UBE2E1: variants seen among roughly 807,000 people sequenced by gnomAD.
The protein encoded by UBE2E1 is ubiquitin conjugating enzyme E2 E1, also known as ubiquitin-conjugating enzyme E2 E1.
A neutral mutation model predicts 21.4 loss-of-function variants in UBE2E1; 6 were observed. The observed-to-expected ratio is 0.28, with a 90% CI of 0.15 to 0.55. UBE2E1 has a LOEUF of 0.55. Among genes scored for constraint, UBE2E1 ranks in the 20% least tolerant of loss-of-function variants. The pLI is 0.93. For missense variants in UBE2E1, 142 were observed against 236.5 expected, an observed-to-expected ratio of 0.60 and a Z score of 2.62; for synonymous variants, 87 against 82.7, an observed-to-expected ratio of 1.05 and a Z score of -0.28.
At chr3:23,825,889 A>G (rs963930698) in intron 3 of UBE2E1, among the ~76,000 whole-genome samples, 1 of 152,170 alleles carries the variant, frequency 6.6e-6, no homozygotes, top group Non-Finnish European at 1.5e-5. Flanking sequence ...TCATGAAAAG[A>G]GAGAAGGCAG....
chr3:23,881,845 C>A (rs540399801), intron 3 of UBE2E1, among the ~76,000 whole-genome samples: 39 of 152,262 alleles, frequency 2.6e-4, no homozygotes, highest in African/African-American at 7.9e-4. Flanking sequence ...TTTCTTCCTT[C>A]TGGTGGGTTC....
chr3:23,835,117 T>C (rs1199130544), intron 3 of UBE2E1, among the ~76,000 whole-genome samples: 5 of 152,210 alleles, frequency 3.3e-5, no homozygotes, highest in Non-Finnish European at 7.3e-5. Context: ...CATTAACTGT[T>C]AAATGTTTAA....
chr3:23,853,504 C>A lies in UBE2E1; in HGVS notation c.204-34063C>A, dbSNP rs1700369960. On this transcript the variant is annotated intron_variant, in intron 3 of 5. Coordinates refer to ENST00000306627, the MANE Select transcript of UBE2E1 (RefSeq NM_003341.5). The surrounding 1 kb of genome is among the most constrained non-coding windows in gnomAD (Gnocchi z 4.1). ...TTCATGCTTTTGTCTCCTCAGAAATCTGCCTACCCAAAGATTACAAAGATT... is the reference window on the plus strand; with the variant it reads ...TTCATGCTTTTGTCTCCTCAGAAATATGCCTACCCAAAGATTACAAAGATT... Among the ~76,000 whole-genome samples, 1 of 152,070 alleles carries A rather than the reference C, an allele frequency of 6.6e-6. No individual in the cohort carries two copies. Among genetic ancestry groups the A allele is most frequent in the African/African-American group, 2.4e-5 (1 of 41,420 alleles).
chr3:23,866,491 C>T (rs1700660305), intron 3 of UBE2E1: 1 of 152,332 alleles, frequency 6.6e-6, no homozygotes, highest in Admixed American at 6.5e-5. Flanking sequence ...AAGTAGGTCT[C>T]ATGTTCTATA....
At chr3:23,871,395 C>A (rs866061521) in intron 3 of UBE2E1, among the ~76,000 whole-genome samples, 3 of 14,972 alleles carry the variant, frequency 2.0e-4, no homozygotes, top group Non-Finnish European at 4.2e-4. Context: ...CTGACCCCCC[C>A]ACACCTCCCT....
intron 3 of UBE2E1, among the ~76,000 whole-genome samples, chr3:23,856,859 T>A (rs914504673): frequency 6.6e-6 from 1 of 152,036 alleles, no homozygotes; most frequent in African/African-American, 2.4e-5. Flanking sequence ...AAAATGGAGT[T>A]GAGTGCAGCC....
chr3:23,859,928 C>G (rs1297144346), intron 3 of UBE2E1, among the ~76,000 whole-genome samples: 2 of 152,138 alleles, frequency 1.3e-5, no homozygotes, highest in Non-Finnish European at 2.9e-5. Flanking sequence ...ATTTCGTACT[C>G]TCATTGTTTC....
At position 23,876,377 on chromosome 3, in the gene UBE2E1, A is replaced by G. The variant is rs1412529102; in HGVS notation, c.204-11190A>G. The stretch of plus-strand genomic sequence containing the variant: ...CTTCTGCCACTCGCTTCTAGGTTAC[A>G]AAAGGTTACTGTTTTATGAAGGGGT... On this transcript the variant is annotated intron_variant, in intron 3 of 5. Coordinates refer to ENST00000306627, the MANE Select transcript of UBE2E1 (RefSeq NM_003341.5). The surrounding 1 kb of genome is among the most constrained non-coding windows in gnomAD (Gnocchi z 4.3). Among the ~76,000 whole-genome samples the G allele has an allele frequency of 6.6e-6, 1 of 152,192 alleles. No homozygotes were observed. Among genetic ancestry groups the G allele is most frequent in the Non-Finnish European group, 1.5e-5 (1 of 68,026 alleles).
chr3:23,807,696 A>T, intron 2 of UBE2E1: 1 of 291,008 alleles, frequency 3.4e-6, no homozygotes, highest in Non-Finnish European at 6.3e-6. Context: ...CCCAAATCTG[A>T]TTTCAGATTT....
Position 23,863,204 on chromosome 3 carries a change from T to C in UBE2E1, c.204-24363T>C, listed in dbSNP as rs999345105. Among the ~76,000 whole-genome samples, 5 of 152,222 alleles carry C rather than the reference T, an allele frequency of 3.3e-5. No homozygotes were observed. The highest frequency in any genetic ancestry group is 1.2e-4 in the African/African-American group (5 of 41,450). On this transcript the variant is annotated intron_variant, in intron 3 of 5. Coordinates refer to ENST00000306627, the MANE Select transcript of UBE2E1 (RefSeq NM_003341.5). This position sits in a 1 kb window ranked among gnomAD's most constrained non-coding sequence, Gnocchi z 4.3. ...TTCAGTTTTTACCAATAACTCTTGA[T>C]TCATGACAATGGATGATGACAACTT...
intron 3 of UBE2E1, among the ~76,000 whole-genome samples, chr3:23,815,398 A>G (rs1412469147): frequency 2.0e-5 from 3 of 152,228 alleles, no homozygotes; most frequent in Non-Finnish European, 2.9e-5. Context: ...TTATACAAGA[A>G]TGCATGTTTT....
At position 23,887,869 on chromosome 3, in the gene UBE2E1, C is replaced by G; in HGVS notation, c.336+170C>G. 2.4e-6 allele frequency: 2 copies of G among 845,580 alleles called. No individual in the cohort carries two copies. Among genetic ancestry groups the G allele is most frequent in the East Asian group, 2.8e-5 (1 of 36,116 alleles). 52.4% of individuals were successfully genotyped at this position (845,580 alleles called of 1,614,324 possible). A position where few individuals can be genotyped will look rare whatever the true frequency, so the allele number is the denominator to read the frequency against. ...CTTCTTTAGGTTGATTTTGCCTTAT[C>G]TGGCAGAGACCATTCTAGGATTAAG... On this transcript the variant is annotated intron_variant, in intron 4 of 5. Coordinates refer to ENST00000306627, the MANE Select transcript of UBE2E1 (RefSeq NM_003341.5). This position sits in a 1 kb window ranked among gnomAD's most constrained non-coding sequence, Gnocchi z 4.4.
chr3:23,854,012 C>T (rs1700383933), intron 3 of UBE2E1, among the ~76,000 whole-genome samples: 1 of 152,150 alleles, frequency 6.6e-6, no homozygotes, highest in South Asian at 2.1e-4. Flanking sequence ...AATCCCAGCA[C>T]TTTGGGAGAC....
chr3:23,826,270 A>G (rs1244250196), intron 3 of UBE2E1, among the ~76,000 whole-genome samples: 1 of 152,242 alleles, frequency 6.6e-6, no homozygotes, highest in Non-Finnish European at 1.5e-5. Flanking sequence ...AGTGAAAGGA[A>G]GTATAGCATT....
rs531736642 is a variant in UBE2E1 at position 23,889,380 on chromosome 3, C to A, written c.484+121C>A. The A allele has an allele frequency of 7.2e-6, 11 of 1,529,462 alleles. No homozygotes were observed. In the African/African-American group the frequency reaches 1.4e-4, roughly 19 times the overall value. The allele number at this position is 1,529,462 out of a possible 1,614,324, so 94.7% of individuals were successfully genotyped here. On this transcript the variant is annotated intron_variant, in intron 5 of 5. Coordinates refer to ENST00000306627, the MANE Select transcript of UBE2E1 (RefSeq NM_003341.5). ...CAAGTTTGTGAATACAAAAACTAAT[C>A]GGCTTTTCAAAAGAAAGTTTTAATC...
intron 3 of UBE2E1, among the ~76,000 whole-genome samples, chr3:23,885,595 T>G (rs1701163484): frequency 6.6e-6 from 1 of 152,180 alleles, no homozygotes; most frequent in Non-Finnish European, 1.5e-5. Context: ...GTGCGATGGC[T>G]CACACCTATA....
intron 3 of UBE2E1, among the ~76,000 whole-genome samples, chr3:23,818,781 G>A (rs538163444): frequency 1.3e-4 from 20 of 152,284 alleles, no homozygotes; most frequent in African/African-American, 4.8e-4. Flanking sequence ...GATTGGAGGA[G>A]GAAAGAATTG....
chr3:23,854,989 T>G (rs1700404715), intron 3 of UBE2E1, among the ~76,000 whole-genome samples: 1 of 152,246 alleles, frequency 6.6e-6, no homozygotes. Flanking sequence ...GTGTAATTTT[T>G]TATTACTTTA....
rs1025541350 is a variant in UBE2E1 at position 23,807,532 on chromosome 3, T to C, written c.152+111T>C. ...TTAAACGCTCCTCATGGTTTATGTGTTCTTAAAAATGAAAGAAGGGCCTTG... is the reference window on the plus strand; with the variant it reads ...TTAAACGCTCCTCATGGTTTATGTGCTCTTAAAAATGAAAGAAGGGCCTTG... On this transcript the variant is annotated intron_variant, in intron 2 of 5. Coordinates refer to ENST00000306627, the MANE Select transcript of UBE2E1 (RefSeq NM_003341.5). 6 of 1,351,650 alleles carry C rather than the reference T, an allele frequency of 4.4e-6. No individual in the cohort carries two copies. The African/African-American group carries it at 7.3e-5, about 17-fold the overall frequency. 83.7% of individuals were successfully genotyped at this position (1,351,650 alleles called of 1,614,324 possible). A position where few individuals can be genotyped will look rare whatever the true frequency, so the allele number is the denominator to read the frequency against.
Sources: allele counts gnomAD v4.1 joint callset (sites outside exome capture counted in the v4.1 genomes callset), GRCh38; gene constraint gnomAD v4.1.1; non-coding constraint Gnocchi (gnomAD v3.1); transcripts MANE v1.5; gene names NCBI Gene and HGNC (gene_info 2026-07-23, HGNC 2026-07-21).